The following IL12RB2 variants were observed in gnomAD, a reference collection of about 807,000 sequenced individuals.
IL12RB2 encodes the protein interleukin-12 receptor subunit beta-2.
Under a neutral mutation model 89.4 loss-of-function variants are expected in IL12RB2, and 82 were observed. That is an observed-to-expected ratio of 0.92 (90% CI 0.77 to 1.10). The LOEUF is 1.10. Ranked by LOEUF, IL12RB2 falls within the 50% of genes least tolerant of loss-of-function variation. The pLI is 0.00. For missense variants in IL12RB2, 963 were observed against 1,031.9 expected, an observed-to-expected ratio of 0.93 and a Z score of 0.92; for synonymous variants, 368 against 370.1, an observed-to-expected ratio of 0.99 and a Z score of 0.07.
intron 8 of IL12RB2, among the ~76,000 whole-genome samples, chr1:67,334,697 T>C (rs1658539043): frequency 6.6e-6 from 1 of 152,162 alleles, no homozygotes; most frequent in Non-Finnish European, 1.5e-5. Flanking sequence ...GCCAGGATGG[T>C]CTCGATCTCC....
intron 8 of IL12RB2, among the ~76,000 whole-genome samples, chr1:67,337,669 A>T (rs1389907118): frequency 1.3e-5 from 2 of 152,180 alleles, no homozygotes; most frequent in Non-Finnish European, 2.9e-5. Flanking sequence ...GGAGCCTATT[A>T]TATTCTAAGT....
chr1:67,334,680 C>T, intron 8 of IL12RB2, among the ~76,000 whole-genome samples: 1 of 152,090 alleles, frequency 6.6e-6, no homozygotes, highest in Non-Finnish European at 1.5e-5. Flanking sequence ...AGGGTTTCAC[C>T]GTGTTAGCCA....
At chr1:67,389,550 T>C (rs1665587076) in intron 15 of IL12RB2, among the ~76,000 whole-genome samples, 1 of 152,234 alleles carries the variant, frequency 6.6e-6, no homozygotes, top group Non-Finnish European at 1.5e-5. Context: ...TACTTTTTTC[T>C]TGGCATTTTT....
chr1:67,340,327 T>A (rs1446276265), intron 9 of IL12RB2, among the ~76,000 whole-genome samples: 1 of 152,216 alleles, frequency 6.6e-6, no homozygotes, highest in Admixed American at 6.5e-5. Flanking sequence ...CAGCCATAAT[T>A]TGTGAATATT....
At chr1:67,333,589 G>T (rs952970604) in intron 8 of IL12RB2, among the ~76,000 whole-genome samples, 4 of 152,038 alleles carry the variant, frequency 2.6e-5, no homozygotes, top group African/African-American at 9.7e-5. Context: ...ATTAAATTCA[G>T]CTCCTATCAC....
intron 10 of IL12RB2, among the ~76,000 whole-genome samples, chr1:67,354,657 A>T (rs1661192660): frequency 6.6e-6 from 1 of 152,180 alleles, no homozygotes; most frequent in Admixed American, 6.5e-5. Context: ...TGTGTCCCAG[A>T]AGGACCTGGA....
At chr1:67,310,562 C>A (rs1000685275) in intron 1 of IL12RB2, among the ~76,000 whole-genome samples, 4 of 152,174 alleles carry the variant, frequency 2.6e-5, no homozygotes, top group Non-Finnish European at 5.9e-5. Flanking sequence ...GCAAGGCCAT[C>A]TAACTTAATT....
chr1:67,360,448 G>A (rs1292274513), intron 10 of IL12RB2, among the ~76,000 whole-genome samples: 1 of 150,454 alleles, frequency 6.6e-6, no homozygotes, highest in African/African-American at 2.4e-5. Flanking sequence ...GTGAATATCA[G>A]AAAAATCCCC....
At chr1:67,390,984 T>C (rs1316905227) in intron 16 of IL12RB2, among the ~76,000 whole-genome samples, 3 of 152,022 alleles carry the variant, frequency 2.0e-5, no homozygotes, top group African/African-American at 7.3e-5. Flanking sequence ...CAGTGGTCCA[T>C]AGTCCCAACC....
chr1:67,370,677 TGAG>T (rs1663209238), intron 11 of IL12RB2, among the ~76,000 whole-genome samples: 1 of 152,254 alleles, frequency 6.6e-6, no homozygotes, highest in South Asian at 2.1e-4. Flanking sequence ...AATAAAAGTC[TGAG>T]GAGTATGGGC....
intron 1 of IL12RB2, among the ~76,000 whole-genome samples, chr1:67,312,188 C>T (rs75775187): frequency 2.0e-5 from 3 of 152,104 alleles, no homozygotes; most frequent in African/African-American, 4.8e-5. Flanking sequence ...GGATGGTGCC[C>T]GGGGCCTCTT....
chr1:67,326,919 TTTTC>T (rs1657376664), intron 5 of IL12RB2, 70 bp downstream of exon 5: 5 of 1,198,740 alleles, frequency 4.2e-6, no homozygotes, highest in Non-Finnish European at 4.2e-6. Flanking sequence ...GAAATATCTG[TTTTC>T]TTTATTTATT....
At chr1:67,316,946 G>C (rs970589014) in intron 2 of IL12RB2, among the ~76,000 whole-genome samples, 3 of 152,128 alleles carry the variant, frequency 2.0e-5, no homozygotes, top group Admixed American at 6.5e-5. Context: ...TTCCATGAGA[G>C]CTAAAATCCC....
intron 1 of IL12RB2, among the ~76,000 whole-genome samples, chr1:67,310,071 C>A (rs1403137888): frequency 6.6e-6 from 1 of 151,070 alleles, no homozygotes; most frequent in Admixed American, 6.6e-5. Context: ...GTAATCCCAG[C>A]TACTCGGGAG....
chr1:67,354,224 A>G (rs908992825), intron 10 of IL12RB2, among the ~76,000 whole-genome samples: 1 of 152,182 alleles, frequency 6.6e-6, no homozygotes, highest in African/African-American at 2.4e-5. Context: ...TACCAAGTAT[A>G]GAGAGACAAA....
At chr1:67,309,744 A>T (rs963562439) in intron 1 of IL12RB2, among the ~76,000 whole-genome samples, 1 of 152,196 alleles carries the variant, frequency 6.6e-6, no homozygotes. Flanking sequence ...AGAATCCGCC[A>T]AGTACAGTAG....
At chr1:67,385,709 G>A (rs1288866094) in intron 14 of IL12RB2, among the ~76,000 whole-genome samples, 1 of 152,188 alleles carries the variant, frequency 6.6e-6, no homozygotes, top group African/African-American at 2.4e-5. Flanking sequence ...TCATAGGAAA[G>A]AATAGGCACA....
intron 15 of IL12RB2, among the ~76,000 whole-genome samples, chr1:67,386,888 A>T (rs1203072030): frequency 2.8e-5 from 1 of 35,254 alleles, no homozygotes; most frequent in Non-Finnish European, 1.0e-4. Context: ...ATATATATAT[A>T]TATATATATA....
At chr1:67,381,144 G>T (rs1664525068) in intron 14 of IL12RB2, among the ~76,000 whole-genome samples, 2 of 152,016 alleles carry the variant, frequency 1.3e-5, no homozygotes, top group South Asian at 4.1e-4. Flanking sequence ...TAAAGTGAGG[G>T]GACTAAGGTA....
Sources: gnomAD v4.1 joint callset for allele counts (sites outside exome capture counted in the v4.1 genomes callset) on GRCh38, gnomAD v4.1.1 for gene constraint, MANE v1.5 for transcripts, NCBI Gene and HGNC (gene_info 2026-07-23, HGNC 2026-07-21) for gene names.